The following ITSN1 variants were observed in gnomAD, a reference collection of about 807,000 sequenced individuals.
ITSN1 encodes the protein intersectin 1.
A neutral mutation model predicts 239.8 loss-of-function variants in ITSN1; 58 were observed. That is an observed-to-expected ratio of 0.24 (90% confidence interval 0.20 to 0.30). ITSN1 has a LOEUF of 0.30. Among genes scored for constraint, ITSN1 ranks in the 10% least tolerant of loss-of-function variants. ITSN1 has a pLI of 1.00. For missense variants in ITSN1, 1,558 were observed against 2,103.3 expected (o/e 0.74, Z 5.07); for synonymous variants, 780 against 770.8 (o/e 1.01, Z -0.20).
intron 1 of ITSN1, among the ~76,000 whole-genome samples, chr21:33,708,444 A>G (rs2092316527): frequency 6.6e-6 from 1 of 151,698 alleles, no homozygotes; most frequent in East Asian, 1.9e-4. Context: ...GCTGGAGTGC[A>G]ATGGCGCGAT....
At chr21:33,677,299 C>T (rs1400561581) in intron 1 of ITSN1, among the ~76,000 whole-genome samples, 1 of 151,540 alleles carries the variant, frequency 6.6e-6, no homozygotes, top group East Asian at 1.9e-4. Context: ...TCTTGGGCAT[C>T]TAATAATAAG....
chr21:33,899,310 CA>C lies in ITSN1; in HGVS notation c.*11012del, dbSNP rs1484278609. The stretch of plus-strand genomic sequence containing the variant: ...CGTGAGCTCCTTGTGCTTCCAGTGA[CA>C]AGCGGGCCACAGTGCTGGTGGCATG... On this transcript the variant is annotated 3_prime_UTR_variant, in exon 40 of 40. Coordinates refer to ENST00000381318, the MANE Select transcript of ITSN1 (RefSeq NM_003024.3). 1 of 152,250 alleles carries C rather than the reference CA, an allele frequency of 6.6e-6. No individual in the cohort carries two copies. The highest frequency in any genetic ancestry group is 1.9e-4 in the East Asian group (1 of 5,200). 9.4% of individuals were successfully genotyped at this position (152,250 alleles called of 1,614,324 possible).
intron 1 of ITSN1, among the ~76,000 whole-genome samples, chr21:33,673,570 T>C (rs1459410508): frequency 1.3e-5 from 2 of 151,150 alleles, no homozygotes; most frequent in Non-Finnish European, 2.9e-5. Flanking sequence ...TAGGTGGCCT[T>C]GGTGATTTAA....
In ITSN1 at chr21:33,890,265, A is replaced by G. The variant is rs1283710263; in HGVS notation, c.*1965A>G. 6.6e-6 allele frequency: 1 copy of G among 152,222 alleles called. No homozygotes were observed. Among genetic ancestry groups the G allele is most frequent in the African/African-American group, 2.4e-5 (1 of 41,452 alleles). The allele number at this position is 152,222 out of a possible 1,614,324, so 9.4% of individuals were successfully genotyped here. On this transcript the variant is annotated 3_prime_UTR_variant, in exon 40 of 40. Transcript: ENST00000381318. ...ACCATGGTAGAAAGAAAAGTATTCA[A>G]TGTGTAAATGGGGTAGTGTGGGTCA...
intron 33 of ITSN1, among the ~76,000 whole-genome samples, chr21:33,874,916 G>T (rs947106143): frequency 6.6e-6 from 1 of 152,164 alleles, no homozygotes; most frequent in Non-Finnish European, 1.5e-5. Flanking sequence ...CGAAGTGCTG[G>T]GATTACAGGC....
At chr21:33,679,500 T>A (rs2090802171) in intron 1 of ITSN1, among the ~76,000 whole-genome samples, 1 of 152,192 alleles carries the variant, frequency 6.6e-6, no homozygotes, top group South Asian at 2.1e-4. Context: ...AATCAGTAAA[T>A]ACAAAGAGAT....
intron 18 of ITSN1, among the ~76,000 whole-genome samples, chr21:33,799,475 C>T (rs1167949612): frequency 6.6e-6 from 1 of 152,036 alleles, no homozygotes; most frequent in Non-Finnish European, 1.5e-5. Flanking sequence ...GGGAGGAGGG[C>T]GGGTATTGAT....
intron 20 of ITSN1, among the ~76,000 whole-genome samples, chr21:33,804,016 G>C (rs979222927): frequency 6.6e-6 from 1 of 152,106 alleles, no homozygotes; most frequent in Admixed American, 6.5e-5. Context: ...CAACAGGTTT[G>C]TATTTTTTTA....
intron 1 of ITSN1, among the ~76,000 whole-genome samples, chr21:33,646,760 A>C (rs1221542827): frequency 6.6e-6 from 1 of 152,222 alleles, no homozygotes; most frequent in Non-Finnish European, 1.5e-5. Flanking sequence ...AAAATACCTA[A>C]AACTCAAAAG....
chr21:33,765,246 C>G (rs149698629), intron 9 of ITSN1, among the ~76,000 whole-genome samples: 98 of 152,332 alleles, frequency 6.4e-4, no homozygotes, highest in African/African-American at 2.3e-3. Flanking sequence ...GGTATGGTGG[C>G]TTATGCCTAT....
intron 2 of ITSN1, among the ~76,000 whole-genome samples, chr21:33,720,346 A>G (rs2147081900): frequency 6.6e-6 from 1 of 152,338 alleles, no homozygotes; most frequent in Admixed American, 6.5e-5. Context: ...AAACATACGT[A>G]TTGTGTATTC....
rs528272774 is a variant in ITSN1, at chr21:33,748,700, A to T, written c.347-1443A>T. 6.0e-5 allele frequency among the ~76,000 whole-genome samples: 9 copies of T among 149,440 alleles called. No individual in the cohort carries two copies. The South Asian group carries it at 1.7e-3, about 28-fold the overall frequency. On this transcript the variant is annotated intron_variant, in intron 5 of 39. Coordinates refer to ENST00000381318, the MANE Select transcript of ITSN1 (RefSeq NM_003024.3). ...ACCGCCCCACCAAAAAAAAAAATAC[A>T]CGTATATATATATATGAAACTGGGT...
chr21:33,886,593 C>A (rs1985837145), intron 39 of ITSN1, 133 bp downstream of exon 39: 2 of 760,534 alleles, frequency 2.6e-6, no homozygotes, highest in Admixed American at 3.1e-5. Context: ...CTGGCTGGCA[C>A]AAGACGAGGC....
chr21:33,767,700 C>T lies in ITSN1; in HGVS notation c.927-13C>T. On this transcript the variant is annotated splice_polypyrimidine_tract_variant and intron_variant, in intron 10 of 39. Coordinates refer to ENST00000381318, the MANE Select transcript of ITSN1 (RefSeq NM_003024.3). ...CTGTGTGAATCTATTTTTCTTTTTC[C>T]CCGCAATTGCAGAAGAGTTCGATCT... 1.3e-6 allele frequency: 2 copies of T among 1,499,766 alleles called. No homozygotes were observed. The highest frequency in any genetic ancestry group is 1.8e-6 in the Non-Finnish European group (2 of 1,087,404). 92.9% of individuals were successfully genotyped at this position (1,499,766 alleles called of 1,614,324 possible).
chr21:33,696,251 A>C (rs951439736), intron 1 of ITSN1, among the ~76,000 whole-genome samples: 3 of 152,166 alleles, frequency 2.0e-5, no homozygotes, highest in African/African-American at 7.2e-5. Context: ...AGCAGGAGGT[A>C]GCCAGCATCT....
At chr21:33,778,571 CTTTTTTTTTTTT>C (rs397948229) in intron 14 of ITSN1, among the ~76,000 whole-genome samples, 5 of 63,944 alleles carry the variant, frequency 7.8e-5, no homozygotes, top group Non-Finnish European at 1.0e-4. Context: ...ATAATATTCT[CTTTTTTTTTTTT>C]TTTTTTTTTT....
At chr21:33,652,418 C>A (rs1366000100) in intron 1 of ITSN1, among the ~76,000 whole-genome samples, 1 of 152,138 alleles carries the variant, frequency 6.6e-6, no homozygotes, top group African/African-American at 2.4e-5. Context: ...GCCTCAGGTA[C>A]GTACAGTTTT....
At chr21:33,644,489 A>G (rs1187717195) in intron 1 of ITSN1, among the ~76,000 whole-genome samples, 3 of 152,192 alleles carry the variant, frequency 2.0e-5, no homozygotes, top group African/African-American at 7.2e-5. Flanking sequence ...GGCGCATGGT[A>G]CCGTCACAAA....
intron 1 of ITSN1, among the ~76,000 whole-genome samples, chr21:33,717,578 C>T (rs535213233): frequency 5.3e-5 from 8 of 152,094 alleles, no homozygotes; most frequent in South Asian, 2.1e-4. Flanking sequence ...TTTTTTGAGA[C>T]GGAGTCTGGC....
Sources: allele counts gnomAD v4.1 joint callset (sites outside exome capture counted in the v4.1 genomes callset), GRCh38; gene constraint gnomAD v4.1.1; transcripts MANE v1.5; gene names NCBI Gene and HGNC (gene_info 2026-07-23, HGNC 2026-07-21).